SLC22A17: variants seen among roughly 807,000 people sequenced by gnomAD.
SLC22A17 encodes solute carrier family 22 member 17.
SLC22A17 carries 38 observed loss-of-function variants against 53.6 expected under a neutral mutation model. The observed-to-expected ratio is 0.71, with a 90% CI of 0.55 to 0.93. The LOEUF (loss-of-function observed/expected upper bound fraction) is 0.93, where lower values mean the gene tolerates loss of function less well. Ranked by LOEUF, SLC22A17 falls within the 40% of genes least tolerant of loss-of-function variation. The probability of loss-of-function intolerance (pLI) is 0.00; values close to 1 mark genes in which losing one functional copy is unlikely to be tolerated. For synonymous variants in SLC22A17, 379 were observed against 353.0 expected (o/e 1.07, Z -0.82); for missense variants, 704 against 791.0 (o/e 0.89, Z 1.32).
exon 10 of SLC22A17, chr14:23,346,837 G>A (rs759757507): frequency 2.6e-6 from 4 of 1,540,212 alleles, no homozygotes; most frequent in Non-Finnish European, 1.7e-6. Flanking sequence ...CCAGCACCAC[G>A]TGCTGCAGGA....
At position 23,348,517 on chromosome 14, in the gene SLC22A17, G is replaced by A. The variant is rs371224712; in HGVS notation, c.1014C>T (p.Phe338=). ...AGGGTAATACTGACCCATAAAACAG[G>A]AAGAGGATGCAGGGAGCGGTGATCA... The change falls in exon 5 of 10, where the codon TTC becomes TTT. Residue 338 remains phenylalanine (F), a synonymous_variant. Coordinates refer to ENST00000397267, the Ensembl canonical transcript of SLC22A17. This position sits in a 1 kb window ranked among gnomAD's most constrained non-coding sequence, Gnocchi z 4.5. 1.9e-6 allele frequency: 3 copies of A among 1,613,820 alleles called. No homozygotes were observed. Among genetic ancestry groups the A allele is most frequent in the Non-Finnish European group, 2.5e-6 (3 of 1,179,832 alleles).
chr14:23,349,318 G>A, exon 4 of SLC22A17: 1 of 1,614,090 alleles, frequency 6.2e-7, no homozygotes, highest in Non-Finnish European at 8.5e-7. Context: ...GAAAGCCCAA[G>A]AGGAATCGGA....
At chr14:23,350,985 C>T (rs112793453) in intron 3 of SLC22A17, 5 of 152,168 alleles carry the variant, frequency 3.3e-5, no homozygotes, top group African/African-American at 9.7e-5. Flanking sequence ...TGAGTCTAAT[C>T]GGAAGTTTAG....
intron 2 of SLC22A17, 40 bp downstream of exon 2, chr14:23,351,908 C>T: frequency 1.2e-6 from 2 of 1,611,516 alleles, no homozygotes. Context: ...TCGCCGCTCT[C>T]TGCCCGCCCC....
chr14:23,348,340 C>T lies in SLC22A17; in HGVS notation c.1026-34G>A, dbSNP rs1036800136. On this transcript the variant is annotated intron_variant, in intron 5 of 9. Transcript: ENST00000397267. The surrounding 1 kb of genome is among the most constrained non-coding windows in gnomAD (Gnocchi z 4.5). The stretch of plus-strand genomic sequence containing the variant: ...AGGGGGGAAGGGGTATACTGTGAGG[C>T]CTCCCTTCTCCTGATCTAGGGGTGG... The T allele has an allele frequency of 6.2e-7, 1 of 1,610,856 alleles. No individual in the cohort carries two copies. Among genetic ancestry groups the T allele is most frequent in the Non-Finnish European group, 8.5e-7 (1 of 1,177,846 alleles).
Position 23,347,114 on chromosome 14 carries a change from G to C in SLC22A17, c.1648C>G (p.Pro550Ala). ...CCCTGCTCTCACCGGACAGTGGTGG[G>C]GATGACCTCAGCAGCAAGGAGGGTG... is the stretch of plus-strand genomic sequence containing the variant. Residue 550 changes from proline (P) to alanine (A), a missense_variant, in exon 9 of 10, where the codon CCC becomes GCC. By Grantham distance (27) the Pro-to-Ala change is conservative. Coordinates refer to ENST00000397267, the Ensembl canonical transcript of SLC22A17. The surrounding 1 kb of genome is among the most constrained non-coding windows in gnomAD (Gnocchi z 5.1). 1 of 1,613,302 alleles carries C rather than the reference G, an allele frequency of 6.2e-7. No homozygotes were observed. The highest frequency in any genetic ancestry group is 2.2e-5 in the East Asian group (1 of 44,878).
rs756767896 is a variant in SLC22A17 at position 23,348,670 on chromosome 14, G to A, written c.861C>T (p.Arg287=). ...TCTGGGTTGGGTCGCACAGCTCCAG[G>A]CCTGGAGATACAGCAGGGGTGGAGA... is the stretch of plus-strand genomic sequence containing the variant. The change falls in exon 5 of 10, where the codon CGC becomes CGT. Residue 287 remains arginine (R), a splice_region_variant and synonymous_variant. Coordinates refer to ENST00000397267, the Ensembl canonical transcript of SLC22A17. This position sits in a 1 kb window ranked among gnomAD's most constrained non-coding sequence, Gnocchi z 4.5. 9 of 1,609,128 alleles carry A rather than the reference G, an allele frequency of 5.6e-6. No homozygotes were observed. In the Admixed American group the frequency reaches 1.0e-4, roughly 18 times the overall value.
In SLC22A17 at chr14:23,351,926, G is replaced by A. The variant is rs747829437; in HGVS notation, c.600+22C>T. On this transcript the variant is annotated intron_variant, in intron 2 of 9. Transcript: ENST00000397267. Reference sequence around the variant, plus strand: ...CCGCTCTCTGCCCGCCCCCAGACCCGCGGCCCGCCTGGCCGCCTCACCTGG... The same window carrying A: ...CCGCTCTCTGCCCGCCCCCAGACCCACGGCCCGCCTGGCCGCCTCACCTGG... 1.9e-6 allele frequency: 3 copies of A among 1,611,626 alleles called. No individual in the cohort carries two copies. In the East Asian group the frequency reaches 6.7e-5, roughly 36 times the overall value.
rs1889462191 is a variant in SLC22A17 at position 23,349,261 on chromosome 14, G to T, written c.859+11C>A. ...ACCCAAGGGAGGGAATTCTGGGAGG[G>T]TGCCACTTACGCATCAGGTAGACAC... On this transcript the variant is annotated intron_variant, in intron 4 of 9. Transcript: ENST00000397267. The T allele has an allele frequency of 6.2e-7, 1 of 1,613,944 alleles. No homozygotes were observed. Among genetic ancestry groups the T allele is most frequent in the Non-Finnish European group, 8.5e-7 (1 of 1,179,974 alleles).
chr14:23,352,021 G>GTGAA lies in SLC22A17; in HGVS notation c.526_527insTTCA (p.Pro176LeufsTer14). On this transcript the variant is annotated frameshift_variant, in exon 2 of 10. Coordinates refer to ENST00000397267, the Ensembl canonical transcript of SLC22A17. LOFTEE classifies it high-confidence loss of function. The surrounding 1 kb of genome is among the most constrained non-coding windows in gnomAD (Gnocchi z 7.2). ...ATCCTTGAGGCAATGGTTGAAGTCC[G>GTGAA]GCGGGGCGAAGCCGCTGCACGAGGG... 6.2e-7 allele frequency: 1 copy of GTGAA among 1,610,534 alleles called. No individual in the cohort carries two copies. Among genetic ancestry groups the GTGAA allele is most frequent in the South Asian group, 1.1e-5 (1 of 90,524 alleles).
chr14:23,347,634 C>T lies in SLC22A17; in HGVS notation c.1375G>A (p.Ala459Thr), dbSNP rs766234936. The change falls in exon 8 of 10, where the codon GCA (alanine) becomes ACA (threonine). Residue 459 changes from alanine (A) to threonine (T), a missense_variant. This residue lies in a region of SLC22A17 where 435 missense variants were observed against 529.0 expected (regional missense o/e 0.82). Transcript: ENST00000397267. The surrounding 1 kb of genome is among the most constrained non-coding windows in gnomAD (Gnocchi z 5.1). Reference sequence around the variant, plus strand: ...CCCAGGAAGACACAGGCCAGGGCTGCGGTGCCGCTGGCCAGCAGAGAGCAC... The same window carrying T: ...CCCAGGAAGACACAGGCCAGGGCTGTGGTGCCGCTGGCCAGCAGAGAGCAC... 3.3e-5 allele frequency: 54 copies of T among 1,613,834 alleles called. No homozygotes were observed. The highest frequency in any genetic ancestry group is 4.0e-5 in the African/African-American group (3 of 74,894).
Position 23,346,576 on chromosome 14 carries a change from T to G in SLC22A17, c.*72A>C. 8.4e-6 allele frequency: 12 copies of G among 1,424,566 alleles called. No individual in the cohort carries two copies. In the South Asian group the frequency reaches 1.6e-4, roughly 19 times the overall value. The allele number at this position is 1,424,566 out of a possible 1,614,324, so 88.2% of individuals were successfully genotyped here. On this transcript the variant is annotated 3_prime_UTR_variant, in exon 10 of 10. Transcript: ENST00000397267. ...GACTTCTGGGCAGCCCTGCCTTCCC[T>G]ACTCAGTCTTCCCGATCTTCTTGCC...
rs926344903 is a variant in SLC22A17, at chr14:23,346,558, G to C, written c.*90C>G. Reference sequence around the variant, plus strand: ...GGCGTGAGGTGCCTCTGAGACTTCTGGGCAGCCCTGCCTTCCCTACTCAGT... The same window carrying C: ...GGCGTGAGGTGCCTCTGAGACTTCTCGGCAGCCCTGCCTTCCCTACTCAGT... On this transcript the variant is annotated 3_prime_UTR_variant, in exon 10 of 10. Coordinates refer to ENST00000397267, the Ensembl canonical transcript of SLC22A17. The C allele has an allele frequency of 2.1e-6, 3 of 1,401,850 alleles. No homozygotes were observed. The African/African-American group carries it at 4.4e-5, about 20-fold the overall frequency. The allele number at this position is 1,401,850 out of a possible 1,614,324, so 86.8% of individuals were successfully genotyped here. A position where few individuals can be genotyped will look rare whatever the true frequency, so the allele number is the denominator to read the frequency against.
In SLC22A17 at chr14:23,347,916, T is replaced by G. The variant is rs780361413; in HGVS notation, c.1252A>C (p.Asn418His). 4.8e-5 allele frequency: 77 copies of G among 1,614,022 alleles called. No homozygotes were observed. Among genetic ancestry groups the G allele is most frequent in the Middle Eastern group, 1.6e-4 (1 of 6,084 alleles). Residue 418 changes from asparagine to histidine, a missense_variant, in exon 7 of 10, where the codon AAT (asparagine) becomes CAT (histidine). By Grantham distance (68) the Asn-to-His change is moderately conservative. Transcript: ENST00000397267. The surrounding 1 kb of genome is among the most constrained non-coding windows in gnomAD (Gnocchi z 5.1). ...TTGGTGAAGCCCAGGATAAGCAGAT[T>G]TTTCCAGATGTTGCGGTAGTTGAGG...
chr14:23,350,354 G>A (rs918231394), intron 3 of SLC22A17, among the ~76,000 whole-genome samples: 1 of 152,130 alleles, frequency 6.6e-6, no homozygotes, highest in Non-Finnish European at 1.5e-5. Flanking sequence ...GATCAGTGGG[G>A]ACATAGACAT....
chr14:23,348,610 C>A lies in SLC22A17; in HGVS notation c.921G>T (p.Gly307=). 1 of 1,614,036 alleles carries A rather than the reference C, an allele frequency of 6.2e-7. No individual in the cohort carries two copies. The highest frequency in any genetic ancestry group is 8.5e-7 in the Non-Finnish European group (1 of 1,179,988). The change falls in exon 5 of 10, where the codon GGG becomes GGT. Residue 307 remains glycine, a synonymous_variant. Transcript: ENST00000397267. This position sits in a 1 kb window ranked among gnomAD's most constrained non-coding sequence, Gnocchi z 4.5. ...CCAGGAACAGGAAGTGCCCTCCCAC[C>A]CCCACCAACTCCCCTGCCAGGGCCA... is the stretch of plus-strand genomic sequence containing the variant.
chr14:23,346,860 C>A, exon 10 of SLC22A17: 3 of 1,539,484 alleles, frequency 1.9e-6, no homozygotes, highest in South Asian at 2.4e-5. Flanking sequence ...GCTCCATGGC[C>A]CATGTGGAGG....
At chr14:23,346,846 G>A in exon 10 of SLC22A17, 1 of 1,539,868 alleles carries the variant, frequency 6.5e-7, no homozygotes, top group South Asian at 1.2e-5. Flanking sequence ...CGTGCTGCAG[G>A]AAGGCTCCAT....
exon 10 of SLC22A17, chr14:23,346,696 G>A: frequency 6.5e-7 from 1 of 1,538,944 alleles, no homozygotes; most frequent in South Asian, 1.2e-5. Context: ...GGTCACAGCG[G>A]GTAGGGGGTG....
Sources: allele counts gnomAD v4.1 joint callset (sites outside exome capture counted in the v4.1 genomes callset), GRCh38; gene constraint gnomAD v4.1.1; regional missense constraint gnomAD v4.1.1; non-coding constraint Gnocchi (gnomAD v3.1); transcripts MANE v1.5; gene names NCBI Gene and HGNC (gene_info 2026-07-23, HGNC 2026-07-21).